The following TPD52L1 variants were observed in gnomAD, a reference collection of about 807,000 sequenced individuals.
TPD52L1 encodes the protein TPD52 like 1, also known as tumor protein D53.
TPD52L1 carries 18 observed loss-of-function variants against 28.7 expected under a neutral mutation model. That is an observed-to-expected ratio of 0.63 (90% confidence interval 0.43 to 0.93). The LOEUF (loss-of-function observed/expected upper bound fraction) is 0.93, where lower values mean the gene tolerates loss of function less well. Ranked by LOEUF, TPD52L1 falls within the 40% of genes least tolerant of loss-of-function variation. The pLI is 0.00. For synonymous variants in TPD52L1, 75 were observed against 88.8 expected (o/e 0.84, Z 0.88); for missense variants, 203 against 254.8 (o/e 0.80, Z 1.39).
chr6:125,161,381 T>G (rs1202036822), intron 1 of TPD52L1, among the ~76,000 whole-genome samples: 1 of 152,196 alleles, frequency 6.6e-6, no homozygotes. Context: ...CATTTGTGTG[T>G]TCAGTGGAAT....
chr6:125,207,164 G>A (rs1332172341), intron 1 of TPD52L1, among the ~76,000 whole-genome samples: 1 of 152,162 alleles, frequency 6.6e-6, no homozygotes, highest in East Asian at 1.9e-4. Flanking sequence ...TGGTCGATGT[G>A]GGGAAACTGC....
intron 3 of TPD52L1, among the ~76,000 whole-genome samples, chr6:125,232,597 C>G (rs1005958633): frequency 1.3e-5 from 2 of 152,076 alleles, no homozygotes; most frequent in African/African-American, 2.4e-5. Context: ...AGAGGCAATA[C>G]TTTGCATACT....
intron 2 of TPD52L1, among the ~76,000 whole-genome samples, chr6:125,227,944 A>G (rs1361724417): frequency 6.6e-6 from 1 of 152,230 alleles, no homozygotes; most frequent in Non-Finnish European, 1.5e-5. Context: ...TAGCAGCTTT[A>G]TTTGCATTAG....
intron 6 of TPD52L1, among the ~76,000 whole-genome samples, chr6:125,258,385 T>G (rs1477976913): frequency 6.6e-6 from 1 of 152,012 alleles, no homozygotes; most frequent in African/African-American, 2.4e-5. Flanking sequence ...AGTAGGAAAA[T>G]TTTTTTAAAG....
intron 1 of TPD52L1, among the ~76,000 whole-genome samples, chr6:125,186,365 A>C (rs1792630375): frequency 6.6e-6 from 1 of 152,222 alleles, no homozygotes; most frequent in Admixed American, 6.5e-5. Flanking sequence ...GTGATCCAAC[A>C]AACTTTATTT....
intron 1 of TPD52L1, chr6:125,154,201 C>T (rs138325843): frequency 5.9e-6 from 8 of 1,351,436 alleles, no homozygotes; most frequent in African/African-American, 1.5e-5. Flanking sequence ...AGAGGCCCCT[C>T]CTCAGGAAAT....
intron 3 of TPD52L1, among the ~76,000 whole-genome samples, chr6:125,237,605 G>T (rs369153798): frequency 6.6e-6 from 1 of 152,138 alleles, no homozygotes; most frequent in South Asian, 2.1e-4. Context: ...CCTGGATTGA[G>T]CCTAATTCTG....
At chr6:125,207,030 T>C (rs2114918477) in intron 1 of TPD52L1, among the ~76,000 whole-genome samples, 1 of 152,306 alleles carries the variant, frequency 6.6e-6, no homozygotes, top group African/African-American at 2.4e-5. Context: ...TCACAGATAT[T>C]ATGAAAAGAG....
intron 1 of TPD52L1, among the ~76,000 whole-genome samples, chr6:125,194,062 G>A (rs139818763): frequency 6.9e-6 from 1 of 144,222 alleles, no homozygotes; most frequent in African/African-American, 2.6e-5. Context: ...ACAAAAGGCT[G>A]ATAAAAGGAC....
chr6:125,257,722 A>G (rs928676083), intron 6 of TPD52L1, among the ~76,000 whole-genome samples: 4 of 152,208 alleles, frequency 2.6e-5, no homozygotes, highest in African/African-American at 9.6e-5. Flanking sequence ...GTATAAATTG[A>G]AAATGTGCCT....
intron 1 of TPD52L1, among the ~76,000 whole-genome samples, chr6:125,159,604 A>G (rs1356526634): frequency 2.0e-5 from 3 of 152,224 alleles, no homozygotes; most frequent in Non-Finnish European, 2.9e-5. Flanking sequence ...AATGACATCT[A>G]GAATGGTGAA....
intron 6 of TPD52L1, 167 bp from the exon 7 acceptor site, chr6:125,262,667 T>C: frequency 1.1e-6 from 1 of 892,122 alleles, no homozygotes; most frequent in Non-Finnish European, 1.6e-6. Context: ...GTATGAATAA[T>C]ATTCTAGCAC....
chr6:125,172,198 T>C (rs1791444683), intron 1 of TPD52L1, among the ~76,000 whole-genome samples: 1 of 132,050 alleles, frequency 7.6e-6, no homozygotes, highest in African/African-American at 2.9e-5. Context: ...TCTTTCTTTC[T>C]TTCTTTCTTC....
intron 6 of TPD52L1, chr6:125,260,349 C>T (rs1204398417): frequency 6.6e-6 from 1 of 152,168 alleles, no homozygotes; most frequent in Non-Finnish European, 1.5e-5. Flanking sequence ...GCCAGAGGTC[C>T]ACAAACTAAG....
chr6:125,165,286 T>C (rs889773292), intron 1 of TPD52L1, among the ~76,000 whole-genome samples: 3 of 151,928 alleles, frequency 2.0e-5, no homozygotes, highest in African/African-American at 4.8e-5. Flanking sequence ...TGATTTGAAA[T>C]ATATGCATTA....
intron 1 of TPD52L1, among the ~76,000 whole-genome samples, chr6:125,185,766 G>A (rs1792557743): frequency 6.6e-6 from 1 of 151,866 alleles, no homozygotes; most frequent in African/African-American, 2.4e-5. Flanking sequence ...GTTAATTTGG[G>A]GTAATATACA....
At chr6:125,207,770 T>C (rs1794241477) in intron 1 of TPD52L1, among the ~76,000 whole-genome samples, 1 of 152,236 alleles carries the variant, frequency 6.6e-6, no homozygotes, top group South Asian at 2.1e-4. Flanking sequence ...TGCTATTTGC[T>C]GTGCCATGAG....
At chr6:125,197,647 G>A (rs932262190) in intron 1 of TPD52L1, among the ~76,000 whole-genome samples, 5 of 151,960 alleles carry the variant, frequency 3.3e-5, no homozygotes, top group African/African-American at 1.2e-4. Flanking sequence ...TTCACCCAAG[G>A]TGGAATATAA....
intron 2 of TPD52L1, among the ~76,000 whole-genome samples, chr6:125,224,066 TTC>T (rs1013231616): frequency 3.3e-5 from 5 of 151,774 alleles, no homozygotes; most frequent in African/African-American, 4.8e-5. Flanking sequence ...TGTTTTTTTT[TTC>T]TCTCTCTCTC....
Sources: allele counts gnomAD v4.1 joint callset (sites outside exome capture counted in the v4.1 genomes callset), GRCh38; gene constraint gnomAD v4.1.1; transcripts MANE v1.5; gene names NCBI Gene and HGNC (gene_info 2026-07-23, HGNC 2026-07-21).